Variants in LRP1B observed in about 807,000 individuals in gnomAD.
The protein encoded by LRP1B is low-density lipoprotein receptor-related protein 1B.
In LRP1B, 217 loss-of-function variants were observed where a neutral mutation model predicts 556.6. The observed-to-expected ratio is 0.39, with a 90% confidence interval of 0.35 to 0.44. LRP1B has a LOEUF of 0.44. Ranked by LOEUF, LRP1B falls within the 20% of genes least tolerant of loss-of-function variation. The pLI is 1.00. For synonymous variants in LRP1B, 2,047 were observed against 1,865.8 expected (o/e 1.10, Z -2.50); for missense variants, 5,053 against 5,620.8 (o/e 0.90, Z 3.23).
intron 1 of LRP1B, among the ~76,000 whole-genome samples, chr2:142,033,047 C>T (rs1703759668): frequency 6.6e-6 from 1 of 151,752 alleles, no homozygotes; most frequent in Admixed American, 6.6e-5. Flanking sequence ...CTGTCATGAA[C>T]ATTTCTAAAT....
intron 3 of LRP1B, among the ~76,000 whole-genome samples, chr2:141,320,897 A>G (rs1008673280): frequency 1.3e-5 from 2 of 152,080 alleles, no homozygotes; most frequent in Non-Finnish European, 2.9e-5. Flanking sequence ...CAAAGGCTTT[A>G]TATACTGTTC....
At chr2:140,306,273 T>C (rs1474442604) in intron 83 of LRP1B, among the ~76,000 whole-genome samples, 5 of 151,986 alleles carry the variant, frequency 3.3e-5, no homozygotes, top group African/African-American at 1.2e-4. Context: ...GCTGTGAATC[T>C]GTCTGGTCCT....
intron 3 of LRP1B, among the ~76,000 whole-genome samples, chr2:141,396,328 A>G (rs1016256558): frequency 6.6e-6 from 1 of 152,170 alleles, no homozygotes; most frequent in Non-Finnish European, 1.5e-5. Flanking sequence ...TTTAATTCTC[A>G]TTATCAAAAA....
chr2:140,277,105 C>A (rs919889888), intron 84 of LRP1B, among the ~76,000 whole-genome samples: 1 of 150,610 alleles, frequency 6.6e-6, no homozygotes, highest in African/African-American at 2.4e-5. Flanking sequence ...ATAACTATAC[C>A]CCTGAAAAGA....
intron 1 of LRP1B, among the ~76,000 whole-genome samples, chr2:141,961,021 A>G (rs1305533561): frequency 6.6e-6 from 1 of 151,766 alleles, no homozygotes; most frequent in African/African-American, 2.4e-5. Context: ...AATATGATTA[A>G]CTATAAATAC....
At position 140,702,138 on chromosome 2, in the gene LRP1B, T is replaced by G. The variant is rs2105428029; in HGVS notation, c.6302+3A>C. On this transcript the variant is annotated splice_donor_region_variant and intron_variant, in intron 39 of 90. Coordinates refer to ENST00000389484, the MANE Select transcript of LRP1B (RefSeq NM_018557.3). ...CTCAAATACTTATGAAAAAATAAAT[T>G]ACCTGTCAGACCAGTAGATGTAAGC... 6.2e-7 allele frequency: 1 copy of G among 1,611,014 alleles called. No individual in the cohort carries two copies. Among genetic ancestry groups the G allele is most frequent in the Non-Finnish European group, 8.5e-7 (1 of 1,178,894 alleles).
chr2:140,681,399 G>A (rs1685855039), intron 41 of LRP1B, among the ~76,000 whole-genome samples: 3 of 151,986 alleles, frequency 2.0e-5, no homozygotes, highest in Admixed American at 6.5e-5. Flanking sequence ...TCATATCAGT[G>A]AAATGAAACA....
At chr2:140,504,878 T>C (rs13005948) in intron 53 of LRP1B, among the ~76,000 whole-genome samples, 3 of 152,184 alleles carry the variant, frequency 2.0e-5, no homozygotes, top group African/African-American at 7.2e-5. Context: ...GCTCCTTTGC[T>C]CCATGGCAGT....
chr2:141,965,761 A>C (rs1212351169), intron 1 of LRP1B, among the ~76,000 whole-genome samples: 1 of 147,614 alleles, frequency 6.8e-6, no homozygotes, highest in Non-Finnish European at 1.5e-5. Flanking sequence ...AAAAATAATA[A>C]TAATAGTAAT....
chr2:141,797,146 CATATATATATATATATATATATAT>C (rs6146945), intron 2 of LRP1B, among the ~76,000 whole-genome samples: 61 of 79,076 alleles, frequency 7.7e-4, no homozygotes, highest in African/African-American at 2.3e-3. Flanking sequence ...TGAAAATAAT[CATATATATATATATATATATATAT>C]ATATATATAT....
At chr2:141,200,911 T>C (rs1345224054) in intron 6 of LRP1B, among the ~76,000 whole-genome samples, 1 of 152,192 alleles carries the variant, frequency 6.6e-6, no homozygotes, top group Non-Finnish European at 1.5e-5. Flanking sequence ...AAAAAATTCC[T>C]GCCTAAAATC....
chr2:140,533,086 C>T (rs950865961), intron 47 of LRP1B, among the ~76,000 whole-genome samples: 2 of 151,642 alleles, frequency 1.3e-5, no homozygotes, highest in Admixed American at 1.3e-4. Context: ...CATTGAATGG[C>T]AAGTCTCTAA....
intron 2 of LRP1B, among the ~76,000 whole-genome samples, chr2:141,777,242 G>A (rs1215361315): frequency 6.6e-6 from 1 of 152,042 alleles, no homozygotes. Context: ...TGACATGTGG[G>A]CAAAGTAATT....
intron 37 of LRP1B, among the ~76,000 whole-genome samples, chr2:140,706,501 A>G (rs1686842491): frequency 6.6e-6 from 1 of 152,178 alleles, no homozygotes; most frequent in Non-Finnish European, 1.5e-5. Flanking sequence ...AAAACATATA[A>G]TTTTAAAAGG....
At chr2:141,266,404 T>C (rs300402) in intron 3 of LRP1B, among the ~76,000 whole-genome samples, 145,976 of 151,704 alleles carry the variant, frequency 0.96, 70,470 homozygotes, top group East Asian at 1. Flanking sequence ...TCTGGAAATT[T>C]CAATTTACTT....
intron 20 of LRP1B, among the ~76,000 whole-genome samples, chr2:140,929,009 T>C (rs1410413665): frequency 1.3e-5 from 2 of 152,236 alleles, no homozygotes; most frequent in East Asian, 1.9e-4. Flanking sequence ...AGGTATCTAT[T>C]AGAGATTTTG....
chr2:141,786,895 T>C (rs1695445596), intron 2 of LRP1B, among the ~76,000 whole-genome samples: 1 of 152,126 alleles, frequency 6.6e-6, no homozygotes, highest in South Asian at 2.1e-4. Context: ...TACATTGAGA[T>C]GACTATATAG....
intron 1 of LRP1B, among the ~76,000 whole-genome samples, chr2:142,013,114 C>G (rs1217888180): frequency 6.6e-6 from 1 of 152,226 alleles, no homozygotes; most frequent in South Asian, 2.1e-4. Context: ...AGTAAGAATA[C>G]TGAGGCTTTG....
intron 2 of LRP1B, among the ~76,000 whole-genome samples, chr2:141,630,228 G>T (rs536172100): frequency 6.6e-6 from 1 of 152,296 alleles, no homozygotes; most frequent in East Asian, 1.9e-4. Context: ...GCACAGAACA[G>T]AGAGTGCCTA....
Sources: gnomAD v4.1 joint callset for allele counts (sites outside exome capture counted in the v4.1 genomes callset) on GRCh38, gnomAD v4.1.1 for gene constraint, MANE v1.5 for transcripts, NCBI Gene and HGNC (gene_info 2026-07-23, HGNC 2026-07-21) for gene names.